TG: variants seen among roughly 807,000 people sequenced by gnomAD.
The protein encoded by TG is thyroid hormones.
TG carries 270 observed loss-of-function variants against 324.7 expected under a neutral mutation model. That is an observed-to-expected ratio of 0.83 (90% CI 0.75 to 0.92). TG has a LOEUF of 0.92. Ranked by LOEUF, TG falls within the 40% of genes least tolerant of loss-of-function variation. The probability of loss-of-function intolerance (pLI) is 0.00; values close to 1 mark genes in which losing one functional copy is unlikely to be tolerated. For synonymous variants in TG, 1,401 were observed against 1,327.0 expected (o/e 1.06, Z -1.21); for missense variants, 3,591 against 3,456.4 (o/e 1.04, Z -0.98).
At chr8:133,021,936 C>T (rs1158052052) in intron 39 of TG, 55 bp from the exon 40 acceptor site, 3 of 1,608,680 alleles carry the variant, frequency 1.9e-6, no homozygotes, top group African/African-American at 1.3e-5. Context: ...AGGCTCCAAG[C>T]ATGGGAAAGG....
At chr8:132,894,882 A>G (rs1034356279) in intron 11 of TG, among the ~76,000 whole-genome samples, 5 of 152,202 alleles carry the variant, frequency 3.3e-5, no homozygotes, top group South Asian at 2.1e-4. Context: ...ACCATCCACA[A>G]TTCTTTGCAA....
chr8:132,965,046 G>A (rs1465412722), intron 29 of TG: 2 of 659,226 alleles, frequency 3.0e-6, no homozygotes, highest in Non-Finnish European at 5.5e-6. Context: ...GCTTTCTTGA[G>A]GGGCAATCTG....
intron 35 of TG, among the ~76,000 whole-genome samples, chr8:133,008,473 G>A (rs775950160): frequency 6.6e-6 from 1 of 151,746 alleles, no homozygotes; most frequent in Non-Finnish European, 1.5e-5. Flanking sequence ...AATGACACTA[G>A]CATTGCAATC....
intron 41 of TG, 123 bp from the exon 42 acceptor site, chr8:133,094,921 G>A: frequency 7.7e-7 from 1 of 1,302,642 alleles, no homozygotes; most frequent in Non-Finnish European, 1.1e-6. Context: ...GCCCCAGAAT[G>A]GGTCCTGGGA....
At chr8:132,984,175 G>A (rs1273512851) in intron 35 of TG, among the ~76,000 whole-genome samples, 2 of 152,224 alleles carry the variant, frequency 1.3e-5, no homozygotes, top group African/African-American at 2.4e-5. Flanking sequence ...GTTAATTCCT[G>A]TCCTGTGACA....
intron 27 of TG, among the ~76,000 whole-genome samples, chr8:132,957,636 C>A (rs1827087433): frequency 6.6e-6 from 1 of 151,884 alleles, no homozygotes; most frequent in Non-Finnish European, 1.5e-5. Context: ...CTTGACATTT[C>A]CTAAGGATTA....
At position 132,967,899 on chromosome 8, in the gene TG, T is replaced by A. The variant is rs1392663049; in HGVS notation, c.5792T>A (p.Ile1931Asn). 1 of 1,614,006 alleles carries A rather than the reference T, an allele frequency of 6.2e-7. No individual in the cohort carries two copies. Reference protein sequence around the residue: ...LYPEAQVCDDIMESNAQGCRL... With the variant: ...LYPEAQVCDDNMESNAQGCRL... ...CCAGAGGCACAGGTGTGTGATGACA[T>A]CATGGAGTCCAATGCCCAGGGCTGC... The change falls in exon 31 of 48, where the codon ATC becomes AAC. Residue 1931 changes from isoleucine (I) to asparagine (N), a missense_variant. Coordinates refer to ENST00000220616, the MANE Select transcript of TG (RefSeq NM_003235.5).
intron 5 of TG, among the ~76,000 whole-genome samples, chr8:132,878,849 G>A (rs991384937): frequency 5.9e-5 from 9 of 152,122 alleles, no homozygotes; most frequent in South Asian, 2.1e-4. Context: ...ATCACCATTC[G>A]TGGCTTTAGA....
intron 41 of TG, among the ~76,000 whole-genome samples, chr8:133,043,523 T>C (rs994456245): frequency 6.6e-6 from 1 of 152,236 alleles, no homozygotes; most frequent in African/African-American, 2.4e-5. Context: ...CAGGCTATGC[T>C]GAACGCACTA....
At chr8:133,058,230 G>C (rs892947960) in intron 41 of TG, among the ~76,000 whole-genome samples, 31 of 152,170 alleles carry the variant, frequency 2.0e-4, no homozygotes, top group African/African-American at 7.2e-4. Context: ...CCAATGATCG[G>C]GGGAACGTTT....
At position 132,941,491 on chromosome 8, in the gene TG, T is replaced by C. The variant is rs376200169; in HGVS notation, c.5182T>C (p.Cys1728Arg). ...TDAHLFCLLA[C>R]DRDLCCDGFV... The stretch of plus-strand genomic sequence containing the variant: ...TGCTCACCTCTTCTGTCTTCTTGCA[T>C]GCGACCGTGATCTGTGTTGCGATGG... The change falls in exon 26 of 48, where the codon TGC becomes CGC. Residue 1728 changes from cysteine to arginine, a missense_variant. Coordinates refer to ENST00000220616, the MANE Select transcript of TG (RefSeq NM_003235.5). The C allele has an allele frequency of 2.5e-5, 40 of 1,614,110 alleles. No individual in the cohort carries two copies. Among genetic ancestry groups the C allele is most frequent in the Non-Finnish European group, 3.3e-5 (39 of 1,180,056 alleles).
chr8:133,052,167 G>A (rs1468255002), intron 41 of TG, among the ~76,000 whole-genome samples: 1 of 152,228 alleles, frequency 6.6e-6, no homozygotes, highest in African/African-American at 2.4e-5. Flanking sequence ...CAGCCTCCGA[G>A]TCATAAGCCT....
At chr8:132,998,289 G>A (rs1833074400) in intron 35 of TG, among the ~76,000 whole-genome samples, 1 of 152,234 alleles carries the variant, frequency 6.6e-6, no homozygotes, top group African/African-American at 2.4e-5. Context: ...GAGAGCAGAA[G>A]GGGATGGATG....
intron 30 of TG, among the ~76,000 whole-genome samples, chr8:132,967,222 C>G (rs1587615226): frequency 8.6e-6 from 1 of 116,216 alleles, no homozygotes; most frequent in African/African-American, 3.7e-5. Context: ...ATCCATCCAT[C>G]CATCCATCCA....
At position 132,888,402 on chromosome 8, in the gene TG, C is replaced by T. The variant is rs1328331296; in HGVS notation, c.2595C>T (p.Pro865=). ...CCAGGGAGAATATCCTCCTGGAGCC[C>T]TACCTCTTCTGGCAGATCTTAAATG... ...PQPRENILLE[P]YLFWQILNGQ... The change falls in exon 10 of 48, where the codon CCC becomes CCT. Residue 865 remains proline (P), a synonymous_variant. Transcript: ENST00000220616. 6.2e-7 allele frequency: 1 copy of T among 1,613,998 alleles called. No homozygotes were observed. Among genetic ancestry groups the T allele is most frequent in the East Asian group, 2.2e-5 (1 of 44,878 alleles).
chr8:132,908,321 G>C lies in TG; in HGVS notation c.3983G>C (p.Arg1328Pro). The change falls in exon 18 of 48, where the codon CGC becomes CCC. Residue 1328 changes from arginine to proline, a missense_variant. Coordinates refer to ENST00000220616, the MANE Select transcript of TG (RefSeq NM_003235.5). ...TTCATATTGGATGAGCTGACAGCCC[G>C]CGGCTTCTGCCAGATCCAGGTACAT... The part of the protein sequence containing the change: ...QVFILDELTA[R>P]GFCQIQVKTF... 6.2e-7 allele frequency: 1 copy of C among 1,612,054 alleles called. No homozygotes were observed. The highest frequency in any genetic ancestry group is 2.2e-5 in the East Asian group (1 of 44,728).
intron 19 of TG, among the ~76,000 whole-genome samples, chr8:132,912,613 T>C (rs555035110): frequency 6.6e-6 from 1 of 152,148 alleles, no homozygotes; most frequent in East Asian, 1.9e-4. Context: ...TTCACACACA[T>C]TCTCTCCTAG....
intron 41 of TG, among the ~76,000 whole-genome samples, chr8:133,071,417 G>A (rs1844011831): frequency 6.6e-6 from 1 of 152,216 alleles, no homozygotes; most frequent in Non-Finnish European, 1.5e-5. Flanking sequence ...GGGATGGAGG[G>A]CAGCTTAAAG....
rs369034345 is a variant in TG at position 132,906,689 on chromosome 8, C to A, written c.3636C>A (p.Ser1212Arg). ...RVTGGQPACE[S>R]PRCPLPFNAS... Reference sequence around the variant, plus strand: ...ACGGCTCCACTTTCCTTCTCCCAGGCCCGCGGTGTCCGCTGCCATTCAACG... The same window carrying A: ...ACGGCTCCACTTTCCTTCTCCCAGGACCGCGGTGTCCGCTGCCATTCAACG... The change falls in exon 17 of 48, where the codon AGC becomes AGA. Residue 1212 changes from serine (S) to arginine (R), a missense_variant and splice_region_variant. Physicochemically the swap from Ser to Arg is moderately radical, Grantham distance 110 (BLOSUM62 -1). Transcript: ENST00000220616. 1.2e-6 allele frequency: 2 copies of A among 1,613,904 alleles called. No individual in the cohort carries two copies. The highest frequency in any genetic ancestry group is 2.7e-5 in the African/African-American group (2 of 74,926).
Sources: gnomAD v4.1 joint callset for allele counts (sites outside exome capture counted in the v4.1 genomes callset) on GRCh38, gnomAD v4.1.1 for gene constraint, MANE v1.5 for transcripts, NCBI Gene and HGNC (gene_info 2026-07-23, HGNC 2026-07-21) for gene names.